The following TMBIM6 variants were observed in gnomAD, a reference collection of about 807,000 sequenced individuals.
The protein encoded by TMBIM6 is bax inhibitor 1.
Under a neutral mutation model 31.4 loss-of-function variants are expected in TMBIM6, and 13 were observed. The observed-to-expected ratio is 0.41, with a 90% CI of 0.27 to 0.66. The LOEUF is 0.66. Among genes scored for constraint, TMBIM6 ranks in the 30% least tolerant of loss-of-function variants. The pLI, the probability that TMBIM6 is intolerant of heterozygous loss-of-function variation, is 0.28. For synonymous variants in TMBIM6, 85 were observed against 101.7 expected, an observed-to-expected ratio of 0.84 and a Z score of 0.99; for missense variants, 275 against 289.5, an observed-to-expected ratio of 0.95 and a Z score of 0.36.
intron 1 of TMBIM6, among the ~76,000 whole-genome samples, chr12:49,745,867 G>A (rs1363006569): frequency 6.6e-6 from 1 of 152,108 alleles, no homozygotes; most frequent in Non-Finnish European, 1.5e-5. Context: ...TCAGACTAAT[G>A]TAAGCGTTCT....
At chr12:49,754,184 G>C (rs901586775) in intron 3 of TMBIM6, among the ~76,000 whole-genome samples, 1 of 152,090 alleles carries the variant, frequency 6.6e-6, no homozygotes, top group African/African-American at 2.4e-5. Context: ...TGGAGGTCTT[G>C]TGGTGTCGTC....
intron 1 of TMBIM6, among the ~76,000 whole-genome samples, chr12:49,748,417 T>C (rs1214021641): frequency 3.3e-5 from 5 of 152,334 alleles, no homozygotes; most frequent in African/African-American, 1.2e-4. Flanking sequence ...AATATCTAAC[T>C]CAAACAATTG....
At chr12:49,758,120 C>T (rs915382148) in intron 4 of TMBIM6, 107 bp from the exon 5 acceptor site, 15 of 1,184,620 alleles carry the variant, frequency 1.3e-5, no homozygotes, top group Admixed American at 1.9e-5. Flanking sequence ...CTTTAGTCCA[C>T]GTTTGTTAAG....
Position 49,748,218 on chromosome 12 carries a change from T to G in TMBIM6, c.-30-4246T>G, listed in dbSNP as rs1945432770. 2.0e-5 allele frequency among the ~76,000 whole-genome samples: 3 copies of G among 152,108 alleles called. No individual in the cohort carries two copies. The South Asian group carries it at 6.2e-4, about 32-fold the overall frequency. The stretch of plus-strand genomic sequence containing the variant: ...CACCCAGCCTGTTTTTTTTTTGTTT[T>G]GTTTTGTTTTGTTTTTAATTTAAGG... On this transcript the variant is annotated intron_variant, in intron 1 of 9. Transcript: ENST00000267115.
chr12:49,753,192 GT>G, intron 3 of TMBIM6, 111 bp downstream of exon 3: 1 of 728,454 alleles, frequency 1.4e-6, no homozygotes, highest in Non-Finnish European at 2.2e-6. Flanking sequence ...TTTATCAGTA[GT>G]TTAGGATTTA....
chr12:49,763,085 C>T lies in TMBIM6; in HGVS notation c.*189C>T. 2 of 558,496 alleles carry T rather than the reference C, an allele frequency of 3.6e-6. No homozygotes were observed. The highest frequency in any genetic ancestry group is 6.1e-6 in the Non-Finnish European group (2 of 328,686). 34.6% of individuals were successfully genotyped at this position (558,496 alleles called of 1,614,324 possible). ...TAGCAGAATATAGTTTGGAGTTTGG[C>T]TTCATCTTCCTGGGGTTCCCCTCAC... is the stretch of plus-strand genomic sequence containing the variant. On this transcript the variant is annotated 3_prime_UTR_variant, in exon 10 of 10. Coordinates refer to ENST00000267115, the MANE Select transcript of TMBIM6 (RefSeq NM_003217.3).
rs931977205 is a variant in TMBIM6 at position 49,758,688 on chromosome 12, T to G, written c.439T>G (p.Leu147Val). 1 of 1,614,224 alleles carries G rather than the reference T, an allele frequency of 6.2e-7. No homozygotes were observed. Among genetic ancestry groups the G allele is most frequent in the Non-Finnish European group, 8.5e-7 (1 of 1,180,044 alleles). Residue 147 changes from leucine (L) to valine (V), a missense_variant, in exon 7 of 10, where the codon TTG (leucine) becomes GTG (valine). Physicochemically the swap from Leu to Val is conservative, Grantham distance 32 (BLOSUM62 1). Coordinates refer to ENST00000267115, the MANE Select transcript of TMBIM6 (RefSeq NM_003217.3). ...RRSYLFLGGI[L>V]MSALSLLLLS... ...CTTTTTGCTGTGTCTTATAGGTATC[T>G]TGATGTCAGCCCTGAGCTTGTTGCT...
intron 1 of TMBIM6, 114 bp from the exon 2 acceptor site, chr12:49,752,350 A>G (rs1945509366): frequency 4.3e-6 from 3 of 690,734 alleles, no homozygotes; most frequent in Non-Finnish European, 7.0e-6. Context: ...AGGGCTGTAG[A>G]ATTTTAGGCA....
chr12:49,746,834 T>TTTTTTG (rs1273968401), intron 1 of TMBIM6, among the ~76,000 whole-genome samples: 1 of 152,096 alleles, frequency 6.6e-6, no homozygotes, highest in East Asian at 1.9e-4. Context: ...TCCCCCTCCT[T>TTTTTTG]TTTTTGTTTT....
At chr12:49,761,201 T>G (rs7314371) in intron 8 of TMBIM6, among the ~76,000 whole-genome samples, 30 of 152,078 alleles carry the variant, frequency 2.0e-4, no homozygotes, top group African/African-American at 7.2e-4. Flanking sequence ...GGGTTCAGAC[T>G]TGGACCTCTG....
At position 49,755,668 on chromosome 12, in the gene TMBIM6, TTGA is replaced by T; in HGVS notation, c.204_206del (p.Met68del). The T allele has an allele frequency of 5.0e-6, 8 of 1,614,172 alleles. No homozygotes were observed. Among genetic ancestry groups the T allele is most frequent in the South Asian group, 2.2e-5 (2 of 91,078 alleles). On this transcript the variant is annotated inframe_deletion, in exon 4 of 10. Coordinates refer to ENST00000267115, the MANE Select transcript of TMBIM6 (RefSeq NM_003217.3). ...GCTGTCTGCCTTGGGCTCCCTGATA[TTGA>T]TGATTTGGCTGATGGCAACACCTCA...
chr12:49,751,107 C>CTTAG (rs997083809), intron 1 of TMBIM6, among the ~76,000 whole-genome samples: 31 of 152,252 alleles, frequency 2.0e-4, no homozygotes, highest in African/African-American at 7.5e-4. Flanking sequence ...AACACGTTTA[C>CTTAG]TTAGGATTGC....
intron 4 of TMBIM6, among the ~76,000 whole-genome samples, chr12:49,757,710 G>A (rs1223955427): frequency 6.6e-6 from 1 of 152,224 alleles, no homozygotes; most frequent in East Asian, 1.9e-4. Context: ...CAGAAGGAAA[G>A]AGGAAAGTAA....
intron 1 of TMBIM6, chr12:49,742,010 C>G: frequency 7.4e-7 from 1 of 1,358,286 alleles, no homozygotes; most frequent in Non-Finnish European, 1.0e-6. Context: ...CACGTCCTTC[C>G]GAGGTGAAGG....
At chr12:49,752,395 T>TTG in intron 1 of TMBIM6, 69 bp from the exon 2 acceptor site, 1 of 1,198,712 alleles carries the variant, frequency 8.3e-7, no homozygotes, top group East Asian at 2.5e-5. Flanking sequence ...TGTTGCTTTT[T>TTG]TTTTTTTTTA....
rs11540526 is a variant in TMBIM6 at position 49,758,700 on chromosome 12, C to G, written c.451C>G (p.Leu151Val). The part of the protein sequence containing the change: ...LFLGGILMSA[L>V]SLLLLSSLGN... Reference sequence around the variant, plus strand: ...TCTTATAGGTATCTTGATGTCAGCCCTGAGCTTGTTGCTTTTGTCTTCCCT... The same window carrying G: ...TCTTATAGGTATCTTGATGTCAGCCGTGAGCTTGTTGCTTTTGTCTTCCCT... The change falls in exon 7 of 10, where the codon CTG becomes GTG. Residue 151 changes from leucine (L) to valine (V), a missense_variant. By Grantham distance (32) the Leu-to-Val change is conservative. Transcript: ENST00000267115. The G allele has an allele frequency of 6.2e-7, 1 of 1,614,088 alleles. No individual in the cohort carries two copies. The highest frequency in any genetic ancestry group is 2.2e-5 in the East Asian group (1 of 44,892).
intron 1 of TMBIM6, among the ~76,000 whole-genome samples, chr12:49,744,995 G>C (rs1945363495): frequency 1.3e-5 from 2 of 150,792 alleles, no homozygotes; most frequent in Non-Finnish European, 2.9e-5. Context: ...TCCAGTTACT[G>C]GTTTGGTTTT....
At chr12:49,742,188 C>T in intron 1 of TMBIM6, 1 of 1,612,844 alleles carries the variant, frequency 6.2e-7, no homozygotes, top group South Asian at 1.1e-5. Flanking sequence ...TAGCCAACGG[C>T]AGAGGCGGGA....
chr12:49,759,584 C>T (rs1034293770), intron 8 of TMBIM6, among the ~76,000 whole-genome samples: 1 of 152,012 alleles, frequency 6.6e-6, no homozygotes, highest in Admixed American at 6.6e-5. Flanking sequence ...GCCACTGGAT[C>T]GCTTGAGCTC....
Sources: gnomAD v4.1 joint callset for allele counts (sites outside exome capture counted in the v4.1 genomes callset) on GRCh38, gnomAD v4.1.1 for gene constraint, MANE v1.5 for transcripts, NCBI Gene and HGNC (gene_info 2026-07-23, HGNC 2026-07-21) for gene names.